CACNA1B: variants seen among roughly 807,000 people sequenced by gnomAD.
The protein encoded by CACNA1B is calcium voltage-gated channel subunit alpha1 B, also known as voltage-dependent N-type calcium channel subunit alpha-1B.
CACNA1B carries 70 observed loss-of-function variants against 247.2 expected under a neutral mutation model. The ratio of observed to expected loss-of-function variants is 0.28; its 90% CI spans 0.23 to 0.35. The LOEUF is 0.35. CACNA1B is among the 10% of genes least tolerant of loss of function. The pLI is 1.00. For synonymous variants in CACNA1B, 1,231 were observed against 1,294.4 expected (o/e 0.95, Z 1.05); for missense variants, 2,367 against 3,197.4 (o/e 0.74, Z 6.26).
Position 138,073,658 on chromosome 9 carries a change from C to A in CACNA1B, c.4791+54C>A. 9.6e-7 allele frequency: 1 copy of A among 1,041,312 alleles called. No homozygotes were observed. Among genetic ancestry groups the A allele is most frequent in the Non-Finnish European group, 1.5e-6 (1 of 660,404 alleles). The allele number at this position is 1,041,312 out of a possible 1,614,324, so 64.5% of individuals were successfully genotyped here. On this transcript the variant is annotated intron_variant, in intron 33 of 46. Transcript: ENST00000371372. This position sits in a 1 kb window ranked among gnomAD's most constrained non-coding sequence, Gnocchi z 6.4. ...TCTGTCCCCTTCCTCCGTCTTGCTT[C>A]CCCTGCCCCCACCACAGTGGCCCCT...
chr9:138,058,562 C>A lies in CACNA1B; in HGVS notation c.4309-7C>A, dbSNP rs1474236055. ...CTGAGTCTCTGTGCTCCTTTCTCCCCTTACAGAGGGCTTGCATTGACTTCG... is the reference window on the plus strand; with the variant it reads ...CTGAGTCTCTGTGCTCCTTTCTCCCATTACAGAGGGCTTGCATTGACTTCG... On this transcript the variant is annotated splice_region_variant and splice_polypyrimidine_tract_variant and intron_variant, in intron 28 of 46. Transcript: ENST00000371372. The surrounding 1 kb of genome is among the most constrained non-coding windows in gnomAD (Gnocchi z 4.7). 1.2e-6 allele frequency: 2 copies of A among 1,607,224 alleles called. No homozygotes were observed. The highest frequency in any genetic ancestry group is 2.2e-5 in the South Asian group (2 of 90,146).
intron 13 of CACNA1B, 93 bp downstream of exon 13, chr9:137,984,343 C>A: frequency 1.2e-6 from 1 of 845,458 alleles, no homozygotes; most frequent in Non-Finnish European, 1.9e-6. Context: ...GAGTTCACAG[C>A]ACCCAGAAGC....
chr9:137,915,968 C>T (rs1957405628), intron 5 of CACNA1B, among the ~76,000 whole-genome samples: 1 of 151,912 alleles, frequency 6.6e-6, no homozygotes, highest in South Asian at 2.1e-4. Flanking sequence ...ATTTGCTTTC[C>T]AGCTGAGCAA....
intron 3 of CACNA1B, among the ~76,000 whole-genome samples, chr9:137,901,821 C>T (rs368087902): frequency 1.3e-5 from 2 of 151,440 alleles, no homozygotes; most frequent in Non-Finnish European, 2.9e-5. Context: ...TCTTGAGTAG[C>T]TGGGACTACA....
At chr9:137,985,528 T>G (rs7861230) in intron 13 of CACNA1B, among the ~76,000 whole-genome samples, 56,171 of 152,104 alleles carry the variant, frequency 0.37, 14,626 homozygotes, top group African/African-American at 0.72. Flanking sequence ...GAGTCTTCCA[T>G]CCCGTCTGCC....
chr9:137,926,092 G>A lies in CACNA1B; in HGVS notation c.966+8661G>A, dbSNP rs562725570. On this transcript the variant is annotated intron_variant, in intron 6 of 46. Transcript: ENST00000371372. Reference sequence around the variant, plus strand: ...TCTTTTTTTTTTTTTTTTTTGAGACGGAGTCTCACTCTGTCGCCCAGGCTG... The same window carrying A: ...TCTTTTTTTTTTTTTTTTTTGAGACAGAGTCTCACTCTGTCGCCCAGGCTG... Among the ~76,000 whole-genome samples, 40 of 127,230 alleles carry A rather than the reference G, an allele frequency of 3.1e-4. No individual in the cohort carries two copies. In the South Asian group the frequency reaches 6.9e-3, roughly 22 times the overall value. The allele number at this position is 127,230 out of a possible 152,430, so 83.5% of individuals were successfully genotyped here.
intron 3 of CACNA1B, among the ~76,000 whole-genome samples, chr9:137,911,584 T>G (rs1957360396): frequency 6.6e-6 from 1 of 152,078 alleles, no homozygotes; most frequent in Admixed American, 6.5e-5. Context: ...CCCAGCTAGT[T>G]TTTGTATTTT....
At position 137,917,497 on chromosome 9, in the gene CACNA1B, G is replaced by A; in HGVS notation, c.966+66G>A. On this transcript the variant is annotated intron_variant, in intron 6 of 46. Transcript: ENST00000371372. The surrounding 1 kb of genome is among the most constrained non-coding windows in gnomAD (Gnocchi z 5.5). ...GACCTCCTGAGCTGGTGCCTCTGGG[G>A]GTCCATTTAGGGGGGCCCTTCTGAC... 2 of 1,417,060 alleles carry A rather than the reference G, an allele frequency of 1.4e-6. No individual in the cohort carries two copies. Among genetic ancestry groups the A allele is most frequent in the South Asian group, 2.5e-5 (2 of 78,856 alleles). 87.8% of individuals were successfully genotyped at this position (1,417,060 alleles called of 1,614,324 possible).
At chr9:138,009,191 G>T (rs1477283338) in intron 16 of CACNA1B, among the ~76,000 whole-genome samples, 1 of 152,244 alleles carries the variant, frequency 6.6e-6, no homozygotes, top group Non-Finnish European at 1.5e-5. Context: ...CGGTGCCTGT[G>T]CCGGTACCTG....
intron 36 of CACNA1B, among the ~76,000 whole-genome samples, chr9:138,084,825 G>A (rs1029571584): frequency 2.7e-5 from 4 of 150,748 alleles, no homozygotes; most frequent in South Asian, 2.1e-4. Context: ...GGTGGTGGGC[G>A]CCTGTAGTCC....
chr9:137,926,440 A>G (rs991135706), intron 6 of CACNA1B, among the ~76,000 whole-genome samples: 3 of 152,164 alleles, frequency 2.0e-5, no homozygotes, highest in Non-Finnish European at 2.9e-5. Context: ...CTGTCAATGG[A>G]CCATTGGGTT....
intron 1 of CACNA1B, among the ~76,000 whole-genome samples, chr9:137,878,797 G>A (rs1388755172): frequency 6.6e-6 from 1 of 152,158 alleles, no homozygotes; most frequent in Admixed American, 6.5e-5. Flanking sequence ...GGCGCTGTCC[G>A]CGGTGCTGAC....
intron 6 of CACNA1B, among the ~76,000 whole-genome samples, chr9:137,941,174 A>C (rs1461741474): frequency 6.6e-6 from 1 of 152,120 alleles, no homozygotes; most frequent in Admixed American, 6.6e-5. Context: ...AAACCCTAAA[A>C]ACTCCTCCAG....
At chr9:138,025,933 A>T (rs1221188657) in intron 20 of CACNA1B, among the ~76,000 whole-genome samples, 1 of 152,250 alleles carries the variant, frequency 6.6e-6, no homozygotes, top group Non-Finnish European at 1.5e-5. Flanking sequence ...CCATAGAAAC[A>T]GGACTCACAT....
intron 20 of CACNA1B, among the ~76,000 whole-genome samples, chr9:138,033,608 C>T (rs1312765418): frequency 2.0e-5 from 3 of 152,092 alleles, no homozygotes; most frequent in Non-Finnish European, 2.9e-5. Context: ...ATACCTGAGA[C>T]CAGGTAATTT....
Position 137,954,057 on chromosome 9 carries a change from G to A in CACNA1B, c.1071-1641G>A, listed in dbSNP as rs1482016967. Reference sequence around the variant, plus strand: ...GGGAGGCCCAAGGCAGGGCCTGCACGGTATTTCCCACTCCTTCCCCACTGT... The same window carrying A: ...GGGAGGCCCAAGGCAGGGCCTGCACAGTATTTCCCACTCCTTCCCCACTGT... On this transcript the variant is annotated intron_variant, in intron 7 of 46. Transcript: ENST00000371372. This position sits in a 1 kb window ranked among gnomAD's most constrained non-coding sequence, Gnocchi z 4.1. Among the ~76,000 whole-genome samples, 5 of 152,148 alleles carry A rather than the reference G, an allele frequency of 3.3e-5. No individual in the cohort carries two copies. The East Asian group carries it at 5.8e-4, about 18-fold the overall frequency.
At chr9:138,067,387 G>A (rs1393122418) in intron 31 of CACNA1B, among the ~76,000 whole-genome samples, 1 of 152,216 alleles carries the variant, frequency 6.6e-6, no homozygotes, top group African/African-American at 2.4e-5. Flanking sequence ...CTAGTATAAT[G>A]TTGACATTAA....
At chr9:137,904,879 G>C (rs1444845370) in intron 3 of CACNA1B, among the ~76,000 whole-genome samples, 1 of 152,084 alleles carries the variant, frequency 6.6e-6, no homozygotes, top group Non-Finnish European at 1.5e-5. Context: ...AACATTAAAT[G>C]AGAATTATGG....
intron 3 of CACNA1B, among the ~76,000 whole-genome samples, chr9:137,909,886 T>A (rs1957341689): frequency 6.6e-6 from 1 of 152,190 alleles, no homozygotes; most frequent in African/African-American, 2.4e-5. Flanking sequence ...TTCTTGTGCC[T>A]CAGCCTCCCA....
Sources: allele counts gnomAD v4.1 joint callset (sites outside exome capture counted in the v4.1 genomes callset), GRCh38; gene constraint gnomAD v4.1.1; non-coding constraint Gnocchi (gnomAD v3.1); transcripts MANE v1.5; gene names NCBI Gene and HGNC (gene_info 2026-07-23, HGNC 2026-07-21).